LRBA: variants seen among roughly 807,000 people sequenced by gnomAD.
The protein encoded by LRBA is lipopolysaccharide-responsive and beige-like anchor protein.
Under a neutral mutation model 330.0 loss-of-function variants are expected in LRBA, and 176 were observed. The observed-to-expected ratio is 0.53, with a 90% CI of 0.47 to 0.60. The LOEUF (loss-of-function observed/expected upper bound fraction) is 0.60. LRBA is among the 20% of genes least tolerant of loss of function. The probability of loss-of-function intolerance (pLI) is 0.00; values close to 1 mark genes in which losing one functional copy is unlikely to be tolerated. For synonymous variants in LRBA, 1,230 were observed against 1,193.0 expected, an observed-to-expected ratio of 1.03 and a Z score of -0.64; for missense variants, 3,259 against 3,444.8, an observed-to-expected ratio of 0.95 and a Z score of 1.35.
chr4:150,837,390 TG>T (rs1748286856), intron 28 of LRBA, among the ~76,000 whole-genome samples: 1 of 152,280 alleles, frequency 6.6e-6, no homozygotes, highest in Admixed American at 6.5e-5. Context: ...ATGTTGACGG[TG>T]GGGTGTGAAA....
chr4:150,382,480 G>A (rs754093958), intron 47 of LRBA, among the ~76,000 whole-genome samples: 2 of 151,962 alleles, frequency 1.3e-5, no homozygotes, highest in Non-Finnish European at 2.9e-5. Context: ...AAAATTAGCT[G>A]GGCATGGTGG....
At chr4:150,346,616 G>A (rs1017964914) in intron 48 of LRBA, among the ~76,000 whole-genome samples, 13 of 151,576 alleles carry the variant, frequency 8.6e-5, no homozygotes, top group African/African-American at 2.4e-4. Flanking sequence ...AAAATTAGCC[G>A]GGCATGGTGG....
At chr4:150,810,752 C>T (rs1420006294) in intron 31 of LRBA, among the ~76,000 whole-genome samples, 2 of 152,130 alleles carry the variant, frequency 1.3e-5, no homozygotes, top group Non-Finnish European at 2.9e-5. Context: ...TAGGTGGATG[C>T]CACCACACCT....
At chr4:150,782,878 C>G (rs1738474389) in intron 34 of LRBA, among the ~76,000 whole-genome samples, 1 of 150,790 alleles carries the variant, frequency 6.6e-6, no homozygotes, top group South Asian at 2.1e-4. Context: ...GCAAAGGAAA[C>G]AAAAACTTTT....
chr4:150,361,760 C>T (rs1017863879), intron 47 of LRBA, among the ~76,000 whole-genome samples: 1 of 148,202 alleles, frequency 6.7e-6, no homozygotes, highest in Non-Finnish European at 1.5e-5. Context: ...ATGCCAACTG[C>T]CCATCATACT....
At chr4:150,829,247 T>A (rs1281705451) in intron 29 of LRBA, among the ~76,000 whole-genome samples, 2 of 152,138 alleles carry the variant, frequency 1.3e-5, no homozygotes, top group African/African-American at 4.8e-5. Flanking sequence ...AAGTCCGCAA[T>A]CTTTAGGATA....
intron 28 of LRBA, among the ~76,000 whole-genome samples, chr4:150,838,483 T>C (rs1748514890): frequency 6.6e-6 from 1 of 152,148 alleles, no homozygotes; most frequent in Admixed American, 6.6e-5. Flanking sequence ...GGAGGCTTCG[T>C]TCATTTCTCT....
intron 34 of LRBA, among the ~76,000 whole-genome samples, chr4:150,780,619 A>G (rs558262514): frequency 1.4e-4 from 21 of 146,506 alleles, no homozygotes; most frequent in African/African-American, 5.0e-4. Flanking sequence ...ATATATATAC[A>G]TATATATACA....
intron 44 of LRBA, among the ~76,000 whole-genome samples, chr4:150,458,431 G>C (rs1034703963): frequency 6.6e-6 from 1 of 151,826 alleles, no homozygotes; most frequent in Non-Finnish European, 1.5e-5. Context: ...AAAAAGGTCA[G>C]TGTACCCATG....
intron 47 of LRBA, among the ~76,000 whole-genome samples, chr4:150,411,045 T>C (rs1561136151): frequency 1.3e-5 from 2 of 152,196 alleles, no homozygotes; most frequent in African/African-American, 4.8e-5. Flanking sequence ...AATAAATTTT[T>C]TTCCTAGTTC....
At chr4:150,877,965 A>G (rs572114538) in intron 17 of LRBA, among the ~76,000 whole-genome samples, 2 of 152,324 alleles carry the variant, frequency 1.3e-5, no homozygotes, top group Admixed American at 1.3e-4. Flanking sequence ...CAGAAATTTA[A>G]AAATTTTTTG....
chr4:150,893,641 A>G (rs1729732888), intron 16 of LRBA, among the ~76,000 whole-genome samples: 1 of 151,824 alleles, frequency 6.6e-6, no homozygotes, highest in Non-Finnish European at 1.5e-5. Flanking sequence ...GAGCCACCGC[A>G]CCTGACCTCA....
At chr4:150,483,749 T>C (rs1304519122) in intron 42 of LRBA, among the ~76,000 whole-genome samples, 1 of 152,116 alleles carries the variant, frequency 6.6e-6, no homozygotes, top group East Asian at 1.9e-4. Context: ...TTAATAATAT[T>C]GAGTCTTCCA....
At chr4:150,535,362 T>G (rs1217126796) in intron 40 of LRBA, among the ~76,000 whole-genome samples, 1 of 152,172 alleles carries the variant, frequency 6.6e-6, no homozygotes, top group Non-Finnish European at 1.5e-5. Context: ...GGTCCCTAAT[T>G]CCTGGACTCA....
intron 53 of LRBA, among the ~76,000 whole-genome samples, chr4:150,290,082 G>C (rs936352926): frequency 1.3e-5 from 2 of 152,176 alleles, no homozygotes; most frequent in African/African-American, 2.4e-5. Flanking sequence ...CTCCATATCT[G>C]TGTACATTTC....
intron 34 of LRBA, among the ~76,000 whole-genome samples, chr4:150,780,550 G>C (rs1205738397): frequency 1.6e-5 from 1 of 63,962 alleles, no homozygotes; most frequent in Non-Finnish European, 3.6e-5. Context: ...GAACGACTCA[G>C]TAACTCTTAT....
chr4:150,497,828 G>A (rs1438778243), intron 40 of LRBA, among the ~76,000 whole-genome samples: 2 of 152,074 alleles, frequency 1.3e-5, no homozygotes, highest in Non-Finnish European at 2.9e-5. Flanking sequence ...AATTACTGAG[G>A]GAGATGATAA....
chr4:150,665,444 T>G (rs1243616430), intron 37 of LRBA, among the ~76,000 whole-genome samples: 1 of 152,150 alleles, frequency 6.6e-6, no homozygotes, highest in Admixed American at 6.5e-5. Flanking sequence ...ACTGACCCTT[T>G]GTAAAGGATG....
rs558951057 is a variant in LRBA, at chr4:150,738,828, C to G, written c.5646-3462G>C. ...ACAAGCCAATGGGAAAAAAATTAAGCAACAAATACTTAGCTCAGAAGAAGG... is the reference window on the plus strand; with the variant it reads ...ACAAGCCAATGGGAAAAAAATTAAGGAACAAATACTTAGCTCAGAAGAAGG... On this transcript the variant is annotated intron_variant, in intron 35 of 56. Coordinates refer to ENST00000651943, the MANE Select transcript of LRBA (RefSeq NM_001364905.1). 3.3e-5 allele frequency among the ~76,000 whole-genome samples: 5 copies of G among 149,950 alleles called. No individual in the cohort carries two copies. In the South Asian group the frequency reaches 1.1e-3, roughly 32 times the overall value.
Sources: gnomAD v4.1 joint callset for allele counts (sites outside exome capture counted in the v4.1 genomes callset) on GRCh38, gnomAD v4.1.1 for gene constraint, MANE v1.5 for transcripts, NCBI Gene and HGNC (gene_info 2026-07-23, HGNC 2026-07-21) for gene names.